Variants in ROBO2 observed in about 807,000 individuals in gnomAD.
ROBO2 encodes the protein roundabout homolog 2.
Under a neutral mutation model 160.8 loss-of-function variants are expected in ROBO2, and 53 were observed. The observed-to-expected ratio is 0.33, with a 90% CI of 0.26 to 0.41. ROBO2 has a LOEUF of 0.41. Among genes scored for constraint, ROBO2 ranks in the 10% least tolerant of loss-of-function variants. The pLI is 1.00. For synonymous variants in ROBO2, 664 were observed against 611.7 expected, an observed-to-expected ratio of 1.09 and a Z score of -1.26; for missense variants, 1,577 against 1,722.4, an observed-to-expected ratio of 0.92 and a Z score of 1.49.
chr3:77,203,258 C>T (rs914232494), intron 2 of ROBO2, among the ~76,000 whole-genome samples: 3 of 152,144 alleles, frequency 2.0e-5, no homozygotes, highest in African/African-American at 7.2e-5. Context: ...TCACTTTATC[C>T]ACACTTCTGA....
chr3:76,888,821 C>A (rs1366377025), intron 2 of ROBO2, among the ~76,000 whole-genome samples: 1 of 152,156 alleles, frequency 6.6e-6, no homozygotes, highest in Non-Finnish European at 1.5e-5. Flanking sequence ...TGAATGTTCA[C>A]ACGTATGTAA....
intron 2 of ROBO2, among the ~76,000 whole-genome samples, chr3:76,210,010 A>G (rs1176475617): frequency 6.6e-6 from 1 of 152,120 alleles, no homozygotes; most frequent in African/African-American, 2.4e-5. Flanking sequence ...ACTTGAGTTG[A>G]TTGGACACTC....
At chr3:76,747,999 A>G (rs1196845170) in intron 2 of ROBO2, among the ~76,000 whole-genome samples, 1 of 152,036 alleles carries the variant, frequency 6.6e-6, no homozygotes, top group Non-Finnish European at 1.5e-5. Flanking sequence ...ACTCCATATC[A>G]TATGATAACA....
chr3:76,213,946 T>G (rs1269630612), intron 2 of ROBO2, among the ~76,000 whole-genome samples: 1 of 152,124 alleles, frequency 6.6e-6, no homozygotes, highest in African/African-American at 2.4e-5. Flanking sequence ...TAGATATAGA[T>G]ATACATAAGA....
chr3:76,672,395 G>T (rs1485861924), intron 2 of ROBO2, among the ~76,000 whole-genome samples: 1 of 152,126 alleles, frequency 6.6e-6, no homozygotes, highest in Non-Finnish European at 1.5e-5. Context: ...TTGGAAGAAA[G>T]TGTACCCATT....
chr3:76,204,129 C>T (rs1702689690), intron 2 of ROBO2, among the ~76,000 whole-genome samples: 1 of 152,100 alleles, frequency 6.6e-6, no homozygotes, highest in Non-Finnish European at 1.5e-5. Context: ...AAACTGCACC[C>T]ATTTGTTACT....
chr3:76,529,312 T>C (rs1179351196), intron 2 of ROBO2, among the ~76,000 whole-genome samples: 1 of 152,140 alleles, frequency 6.6e-6, no homozygotes, highest in East Asian at 1.9e-4. Context: ...TGTGCCTGCA[T>C]GTACATTGCT....
At chr3:76,367,506 C>G (rs1026248513) in intron 2 of ROBO2, among the ~76,000 whole-genome samples, 1 of 151,952 alleles carries the variant, frequency 6.6e-6, no homozygotes, top group Non-Finnish European at 1.5e-5. Context: ...TACTGCATCA[C>G]AACTTCCTGT....
chr3:76,785,543 C>T (rs1281774853), intron 2 of ROBO2, among the ~76,000 whole-genome samples: 1 of 151,176 alleles, frequency 6.6e-6, no homozygotes, highest in African/African-American at 2.4e-5. Context: ...TGGCAATGGA[C>T]AGTTGGTGGC....
chr3:77,438,075 T>C (rs1014071328), intron 2 of ROBO2, among the ~76,000 whole-genome samples: 1 of 151,976 alleles, frequency 6.6e-6, no homozygotes, highest in African/African-American at 2.4e-5. Context: ...CCCTTCTCTT[T>C]GGCATATGCT....
At chr3:77,523,759 G>A (rs939097858) in intron 6 of ROBO2, among the ~76,000 whole-genome samples, 24 of 151,206 alleles carry the variant, frequency 1.6e-4, no homozygotes, top group Non-Finnish European at 3.4e-4. Context: ...AACAAAGATA[G>A]GCAAGCACAT....
At chr3:76,345,519 A>G (rs1435465196) in intron 2 of ROBO2, among the ~76,000 whole-genome samples, 2 of 150,294 alleles carry the variant, frequency 1.3e-5, no homozygotes, top group Non-Finnish European at 3.0e-5. Context: ...TTATAACAAA[A>G]CTATTTTTGG....
chr3:77,093,067 C>A (rs1225339436), intron 1 of ROBO2, among the ~76,000 whole-genome samples: 2 of 151,984 alleles, frequency 1.3e-5, no homozygotes, highest in African/African-American at 4.8e-5. Context: ...TTCCCTCTCC[C>A]CCTCCTCTTC....
At chr3:77,404,643 A>C (rs1453458136) in intron 2 of ROBO2, among the ~76,000 whole-genome samples, 1 of 152,182 alleles carries the variant, frequency 6.6e-6, no homozygotes, top group Non-Finnish European at 1.5e-5. Flanking sequence ...TACAGGGGAC[A>C]TATGGATATT....
intron 2 of ROBO2, among the ~76,000 whole-genome samples, chr3:76,499,783 CTA>C (rs2080359998): frequency 6.6e-6 from 1 of 152,078 alleles, no homozygotes; most frequent in Non-Finnish European, 1.5e-5. Flanking sequence ...TTCCTAAAAT[CTA>C]TGTCATCTCC....
At chr3:76,746,494 T>A in intron 2 of ROBO2, among the ~76,000 whole-genome samples, 1 of 152,196 alleles carries the variant, frequency 6.6e-6, no homozygotes, top group Non-Finnish European at 1.5e-5. Context: ...CTCCAGCACC[T>A]GTTGTTTCCT....
chr3:77,131,877 A>G (rs2075883871), intron 2 of ROBO2, among the ~76,000 whole-genome samples: 1 of 152,124 alleles, frequency 6.6e-6, no homozygotes. Flanking sequence ...ATTGGAAGAA[A>G]ATTACTACAA....
At chr3:76,664,602 G>C (rs1399943033) in intron 2 of ROBO2, among the ~76,000 whole-genome samples, 1 of 152,104 alleles carries the variant, frequency 6.6e-6, no homozygotes, top group Non-Finnish European at 1.5e-5. Flanking sequence ...AAACGCTTCA[G>C]GTCACTCAGG....
chr3:76,087,515 TA>T (rs893755504), intron 2 of ROBO2, among the ~76,000 whole-genome samples: 21 of 148,642 alleles, frequency 1.4e-4, no homozygotes, highest in East Asian at 3.9e-4. Context: ...CAAGAAATGT[TA>T]AAAAAAAAAG....
Sources: allele counts gnomAD v4.1 joint callset (sites outside exome capture counted in the v4.1 genomes callset), GRCh38; gene constraint gnomAD v4.1.1; transcripts MANE v1.5; gene names NCBI Gene and HGNC (gene_info 2026-07-23, HGNC 2026-07-21).